Variants in NRXN1 observed in about 807,000 individuals in gnomAD.
NRXN1 encodes neurexin 1.
A neutral mutation model predicts 150.9 loss-of-function variants in NRXN1; 39 were observed. The ratio of observed to expected loss-of-function variants is 0.26; its 90% CI spans 0.20 to 0.34. The LOEUF (loss-of-function observed/expected upper bound fraction) is 0.34. Ranked by LOEUF, NRXN1 falls within the 10% of genes least tolerant of loss-of-function variation. NRXN1 has a pLI of 1.00. For synonymous variants in NRXN1, 924 were observed against 757.0 expected (o/e 1.22, Z -3.62); for missense variants, 1,815 against 1,949.9 (o/e 0.93, Z 1.30).
At chr2:50,138,456 A>G (rs1370619789) in intron 18 of NRXN1, among the ~76,000 whole-genome samples, 3 of 152,226 alleles carry the variant, frequency 2.0e-5, no homozygotes, top group Non-Finnish European at 4.4e-5. Flanking sequence ...AAGTAACTCA[A>G]TGAGCCATTT....
At chr2:50,185,640 G>C (rs1479789426) in intron 18 of NRXN1, 1 of 152,056 alleles carries the variant, frequency 6.6e-6, no homozygotes, top group East Asian at 1.9e-4. Flanking sequence ...TGCAGTGAAA[G>C]ACTCAAAGGC....
chr2:50,411,695 G>T (rs1232122031), intron 17 of NRXN1, among the ~76,000 whole-genome samples: 2 of 41,162 alleles, frequency 4.9e-5, no homozygotes, highest in African/African-American at 2.9e-4. Flanking sequence ...TCTGGGAGGT[G>T]GGGGGGCAGC....
Position 50,979,833 on chromosome 2 carries a change from ATATC to A in NRXN1, c.772+47665_772+47668del, listed in dbSNP as rs1696503054. On this transcript the variant is annotated intron_variant, in intron 2 of 22. Coordinates refer to ENST00000401669, the MANE Select transcript of NRXN1 (RefSeq NM_001330078.2). ...TAAGTTTCTTCACTGTCAACCTTTA[ATATC>A]TATTTTCCTGAAAGAGAGCTGAAGC... is the stretch of plus-strand genomic sequence containing the variant. 2.0e-5 allele frequency among the ~76,000 whole-genome samples: 3 copies of A among 152,248 alleles called. No homozygotes were observed. In the East Asian group the frequency reaches 5.8e-4, roughly 29 times the overall value.
intron 9 of NRXN1, among the ~76,000 whole-genome samples, chr2:50,539,664 A>G (rs1178337224): frequency 6.6e-6 from 1 of 152,242 alleles, no homozygotes; most frequent in African/African-American, 2.4e-5. Flanking sequence ...GAACACCACA[A>G]GGACCCACAA....
At chr2:50,320,433 G>A (rs2075956662) in intron 17 of NRXN1, among the ~76,000 whole-genome samples, 1 of 149,840 alleles carries the variant, frequency 6.7e-6, no homozygotes, top group African/African-American at 2.5e-5. Flanking sequence ...ATACTTAGAA[G>A]AGAATGTATA....
intron 15 of NRXN1, among the ~76,000 whole-genome samples, chr2:50,472,967 G>A (rs142760377): frequency 6.6e-6 from 1 of 151,852 alleles, no homozygotes; most frequent in African/African-American, 2.4e-5. Flanking sequence ...AAAGTATAAA[G>A]TGGACACACA....
At chr2:50,416,356 C>A (rs2083538976) in intron 17 of NRXN1, among the ~76,000 whole-genome samples, 1 of 151,998 alleles carries the variant, frequency 6.6e-6, no homozygotes, top group African/African-American at 2.4e-5. Flanking sequence ...AGCTGAGAAA[C>A]ACTAATGTGA....
intron 18 of NRXN1, among the ~76,000 whole-genome samples, chr2:50,153,881 G>A (rs917353625): frequency 6.6e-6 from 1 of 151,604 alleles, no homozygotes; most frequent in African/African-American, 2.4e-5. Flanking sequence ...CAAAACACAG[G>A]TCTCTGGTAT....
intron 21 of NRXN1, among the ~76,000 whole-genome samples, chr2:50,035,625 A>G (rs1689909504): frequency 6.6e-6 from 1 of 152,116 alleles, no homozygotes; most frequent in Non-Finnish European, 1.5e-5. Flanking sequence ...GACAACTGCA[A>G]AACATATACT....
intron 2 of NRXN1, among the ~76,000 whole-genome samples, chr2:50,962,799 A>AGTG (rs1693423464): frequency 6.6e-6 from 1 of 151,596 alleles, no homozygotes; most frequent in African/African-American, 2.4e-5. Flanking sequence ...TCGCTCCCAA[A>AGTG]TGATCTCAAT....
intron 12 of NRXN1, among the ~76,000 whole-genome samples, chr2:50,509,098 C>A (rs996475465): frequency 6.6e-6 from 1 of 152,102 alleles, no homozygotes; most frequent in Non-Finnish European, 1.5e-5. Context: ...AACTGAAGGC[C>A]TATAAAGCTA....
chr2:50,507,934 A>G (rs1360594049), intron 12 of NRXN1, among the ~76,000 whole-genome samples: 1 of 151,986 alleles, frequency 6.6e-6, no homozygotes, highest in African/African-American at 2.4e-5. Flanking sequence ...AAACCAATTA[A>G]TGCCCAAGGA....
Position 50,582,499 on chromosome 2 carries a change from A to G in NRXN1, c.1321-29474T>C, listed in dbSNP as rs922103606. Among the ~76,000 whole-genome samples, 493 of 150,776 alleles carry G rather than the reference A, an allele frequency of 3.3e-3. 6 individuals are homozygous for G. The highest frequency in any genetic ancestry group is 0.024 in the Admixed American group (354 of 14,950). On this transcript the variant is annotated intron_variant, in intron 8 of 22. Transcript: ENST00000401669. ...TCTCCAAAAAAAAAAAAAAAAAAAA[A>G]AAAAATTATTTACCAGGTGAAAGAA... is the stretch of plus-strand genomic sequence containing the variant.
At chr2:50,500,739 T>C (rs978488827) in intron 13 of NRXN1, among the ~76,000 whole-genome samples, 2 of 152,168 alleles carry the variant, frequency 1.3e-5, no homozygotes, top group African/African-American at 4.8e-5. Flanking sequence ...GCTGTGTTTG[T>C]ATAGAAATCT....
chr2:50,986,120 C>G (rs772358477), intron 2 of NRXN1, among the ~76,000 whole-genome samples: 1 of 151,626 alleles, frequency 6.6e-6, no homozygotes, highest in Non-Finnish European at 1.5e-5. Flanking sequence ...AGTTAACTTT[C>G]ATTTCCATAA....
intron 21 of NRXN1, among the ~76,000 whole-genome samples, chr2:49,966,165 G>A (rs1676927922): frequency 6.6e-6 from 1 of 152,284 alleles, no homozygotes; most frequent in East Asian, 1.9e-4. Context: ...CAAGGGGAAC[G>A]AGCAGTATAG....
At position 50,266,590 on chromosome 2, in the gene NRXN1, G is replaced by A. The variant is rs186809556; in HGVS notation, c.3365-29620C>T. Among the ~76,000 whole-genome samples, 121 of 146,464 alleles carry A rather than the reference G, an allele frequency of 8.3e-4. 1 individual carries two copies. The highest frequency in any genetic ancestry group is 1.6e-3 in the Admixed American group (24 of 14,546). On this transcript the variant is annotated intron_variant, in intron 17 of 22. Coordinates refer to ENST00000401669, the MANE Select transcript of NRXN1 (RefSeq NM_001330078.2). Reference sequence around the variant, plus strand: ...ACACACACATATTTTCTTTCTAGAAGAACTAAGGTAAAGTTGCGTTTGAAA... The same window carrying A: ...ACACACACATATTTTCTTTCTAGAAAAACTAAGGTAAAGTTGCGTTTGAAA...
In NRXN1 at chr2:50,352,806, A is replaced by AATAATAATAATG. The variant is rs1180178835; in HGVS notation, c.3364+112635_3364+112636insCATTATTATTAT. On this transcript the variant is annotated intron_variant, in intron 17 of 22. Coordinates refer to ENST00000401669, the MANE Select transcript of NRXN1 (RefSeq NM_001330078.2). ...TAATAATAATAATAATAATAATAAT[A>AATAATAATAATG]ATGCCAGGCTAAAAGCATCTCTGGA... Among the ~76,000 whole-genome samples, 578 of 149,212 alleles carry AATAATAATAATG rather than the reference A, an allele frequency of 3.9e-3. 2 individuals are homozygous for AATAATAATAATG. Among genetic ancestry groups the AATAATAATAATG allele is most frequent in the African/African-American group, 0.013 (547 of 40,828 alleles).
At chr2:50,889,082 A>G (rs543168043) in intron 5 of NRXN1, among the ~76,000 whole-genome samples, 1 of 151,654 alleles carries the variant, frequency 6.6e-6, no homozygotes, top group Non-Finnish European at 1.5e-5. Flanking sequence ...TTTAATCACA[A>G]CTTGATCATT....
Sources: gnomAD v4.1 joint callset for allele counts (sites outside exome capture counted in the v4.1 genomes callset) on GRCh38, gnomAD v4.1.1 for gene constraint, MANE v1.5 for transcripts, NCBI Gene and HGNC (gene_info 2026-07-23, HGNC 2026-07-21) for gene names.